Variants in NDUFA10 observed in about 807,000 individuals in gnomAD.
NDUFA10 encodes NADH:ubiquinone oxidoreductase subunit A10, also known as NADH dehydrogenase [ubiquinone] 1 alpha subcomplex subunit 10, mitochondrial.
In NDUFA10, 40 loss-of-function variants were observed where a neutral mutation model predicts 47.8. The observed-to-expected ratio is 0.84, with a 90% CI of 0.65 to 1.09. The LOEUF (loss-of-function observed/expected upper bound fraction) is 1.09. Among genes scored for constraint, NDUFA10 ranks in the 50% least tolerant of loss-of-function variants. The pLI is 0.00. For missense variants in NDUFA10, 413 were observed against 451.1 expected, an observed-to-expected ratio of 0.92 and a Z score of 0.76; for synonymous variants, 183 against 172.2, an observed-to-expected ratio of 1.06 and a Z score of -0.49.
In NDUFA10 at chr2:239,942,450, C is replaced by T. The variant is rs1337828619; in HGVS notation, c.295-47136G>A. On this transcript the variant is annotated intron_variant, in intron 4 of 5. Coordinates refer to the NDUFA10 transcript ENST00000419408. ...AATAGCAATTTCAGCCTTGCTATGT[C>T]GTTTGTTGCTGTTTGAAATGTATTG... is the stretch of plus-strand genomic sequence containing the variant. Among the ~76,000 whole-genome samples, 8 of 152,184 alleles carry T rather than the reference C, an allele frequency of 5.3e-5. No individual in the cohort carries two copies. The East Asian group carries it at 1.5e-3, about 29-fold the overall frequency.
intron 4 of NDUFA10, among the ~76,000 whole-genome samples, chr2:239,927,661 A>C (rs1694086010): frequency 6.6e-6 from 1 of 152,228 alleles, no homozygotes; most frequent in Admixed American, 6.5e-5. Flanking sequence ...CCATTTATAC[A>C]AAATTCTCAA....
intron 4 of NDUFA10, among the ~76,000 whole-genome samples, chr2:239,904,305 T>C (rs1212812596): frequency 2.6e-5 from 4 of 152,184 alleles, no homozygotes; most frequent in Admixed American, 2.6e-4. Context: ...TTATTCGTTA[T>C]ACATATTTTT....
At chr2:239,967,561 G>A (rs536845445) in intron 9 of NDUFA10, among the ~76,000 whole-genome samples, 1 of 152,298 alleles carries the variant, frequency 6.6e-6, no homozygotes, top group African/African-American at 2.4e-5. Flanking sequence ...GTAAAGCTGA[G>A]TCCACGACGT....
At chr2:239,922,493 A>T (rs771871820) in intron 4 of NDUFA10, among the ~76,000 whole-genome samples, 4 of 152,176 alleles carry the variant, frequency 2.6e-5, no homozygotes, top group Non-Finnish European at 5.9e-5. Flanking sequence ...TCTCCCACAC[A>T]TGGATGTCTT....
intron 4 of NDUFA10, among the ~76,000 whole-genome samples, chr2:239,933,185 G>A (rs942476892): frequency 4.6e-5 from 7 of 152,296 alleles, no homozygotes; most frequent in African/African-American, 1.4e-4. Flanking sequence ...GATGCTGGGA[G>A]CCCTTGCCCT....
rs936199303 is a variant in NDUFA10 at position 239,960,809 on chromosome 2, C to T, written c.*309G>A. The T allele has an allele frequency of 1.1e-5, 14 of 1,294,244 alleles. No individual in the cohort carries two copies. Among genetic ancestry groups the T allele is most frequent in the Admixed American group, 3.3e-5 (1 of 30,616 alleles). The allele number at this position is 1,294,244 out of a possible 1,614,324, so 80.2% of individuals were successfully genotyped here. ...TGTGCACAACCTGAATGACACAGAG[C>T]GGCAGCGCTGAAACCACAGGGGCTG... On this transcript the variant is annotated 3_prime_UTR_variant, in exon 10 of 10. Transcript: ENST00000252711.
At chr2:239,964,032 C>T (rs1694961273) in intron 9 of NDUFA10, among the ~76,000 whole-genome samples, 1 of 152,200 alleles carries the variant, frequency 6.6e-6, no homozygotes, top group Non-Finnish European at 1.5e-5. Flanking sequence ...CCTGGGCCAC[C>T]TTTCACACGC....
chr2:239,959,869 C>T lies in NDUFA10; in HGVS notation c.*1249G>A, dbSNP rs1230666669. 1.2e-5 allele frequency: 12 copies of T among 984,162 alleles called. No individual in the cohort carries two copies. Among genetic ancestry groups the T allele is most frequent in the Non-Finnish European group, 1.4e-5 (12 of 828,962 alleles). 61.0% of individuals were successfully genotyped at this position (984,162 alleles called of 1,614,324 possible). ...GGAAGGGGAGAGGGAAAAAGGCAGGCGGACGCAAGGAGGGAAGGAGTGTGC... is the reference window on the plus strand; with the variant it reads ...GGAAGGGGAGAGGGAAAAAGGCAGGTGGACGCAAGGAGGGAAGGAGTGTGC... On this transcript the variant is annotated 3_prime_UTR_variant, in exon 10 of 10. Coordinates refer to ENST00000252711, the MANE Select transcript of NDUFA10 (RefSeq NM_004544.4).
chr2:239,973,416 T>A (rs537894183), intron 9 of NDUFA10: 36 of 438,240 alleles, frequency 8.2e-5, no homozygotes, highest in South Asian at 6.0e-4. Context: ...TTAAAGTTAA[T>A]AAAAACATCT....
At chr2:240,000,133 T>C (rs1696644787) in intron 8 of NDUFA10, among the ~76,000 whole-genome samples, 1 of 152,254 alleles carries the variant, frequency 6.6e-6, no homozygotes, top group South Asian at 2.1e-4. Context: ...TGCTTTAGGT[T>C]ATTTACTATA....
At chr2:240,000,713 C>A (rs889554925) in intron 8 of NDUFA10, among the ~76,000 whole-genome samples, 1 of 152,104 alleles carries the variant, frequency 6.6e-6, no homozygotes, top group East Asian at 1.9e-4. Context: ...GACGGGTGGA[C>A]CATTTTCACC....
chr2:239,923,575 T>C (rs1008162375), intron 4 of NDUFA10, among the ~76,000 whole-genome samples: 2 of 151,374 alleles, frequency 1.3e-5, no homozygotes, highest in Non-Finnish European at 2.9e-5. Flanking sequence ...ACAGAAAAAA[T>C]AGAAATAAAA....
In NDUFA10 at chr2:240,025,292, G is replaced by T. The variant is rs1465429523; in HGVS notation, c.10C>A (p.Arg4=). Residue 4 remains arginine, a synonymous_variant, in exon 1 of 10, where the codon CGG becomes AGG. Coordinates refer to ENST00000252711, the MANE Select transcript of NDUFA10 (RefSeq NM_004544.4). Reference sequence around the variant, plus strand: ...GACGTCGCTGCCAGCTTCAGGAGCCGCAAGGCCATGGCTACCCGGTCAGCT... The same window carrying T: ...GACGTCGCTGCCAGCTTCAGGAGCCTCAAGGCCATGGCTACCCGGTCAGCT... MAL[R]LLKLAATSAS... 2 of 1,504,598 alleles carry T rather than the reference G, an allele frequency of 1.3e-6. No homozygotes were observed. Among genetic ancestry groups the T allele is most frequent in the Non-Finnish European group, 1.8e-6 (2 of 1,130,280 alleles). 93.2% of individuals were successfully genotyped at this position (1,504,598 alleles called of 1,614,324 possible). A position where few individuals can be genotyped will look rare whatever the true frequency, so the allele number is the denominator to read the frequency against.
Position 239,958,883 on chromosome 2 carries a change from G to A in NDUFA10, c.*2235C>T. ...ATTATTTCCTGATCTCCAAAGCACT[G>A]AGAAGTCCAACATGGAATCCTGGAA... On this transcript the variant is annotated 3_prime_UTR_variant, in exon 10 of 10. Coordinates refer to ENST00000252711, the MANE Select transcript of NDUFA10 (RefSeq NM_004544.4). 1 of 939,272 alleles carries A rather than the reference G, an allele frequency of 1.1e-6. No individual in the cohort carries two copies. The highest frequency in any genetic ancestry group is 1.3e-6 in the Non-Finnish European group (1 of 787,950). 58.2% of individuals were successfully genotyped at this position (939,272 alleles called of 1,614,324 possible).
At chr2:239,908,634 G>A (rs1693697569) in intron 4 of NDUFA10, among the ~76,000 whole-genome samples, 1 of 152,248 alleles carries the variant, frequency 6.6e-6, no homozygotes, top group South Asian at 2.1e-4. Flanking sequence ...ATGGCAGAAT[G>A]TCCACCAATG....
At chr2:240,021,082 C>T in intron 3 of NDUFA10, 115 bp downstream of exon 3, 3 of 825,558 alleles carry the variant, frequency 3.6e-6, no homozygotes, top group Middle Eastern at 3.3e-4. Context: ...AAAGACAGAA[C>T]TCACCTCATC....
intron 4 of NDUFA10, among the ~76,000 whole-genome samples, chr2:240,015,367 T>C (rs193066800): frequency 6.6e-6 from 1 of 152,372 alleles, no homozygotes; most frequent in Admixed American, 6.5e-5. Flanking sequence ...GTATATAGTA[T>C]ACATGCTACT....
At chr2:239,988,805 G>A (rs116658095) in intron 9 of NDUFA10, among the ~76,000 whole-genome samples, 2,281 of 152,262 alleles carry the variant, frequency 0.015, 47 homozygotes, top group African/African-American at 0.052. Context: ...CTCAAAGAGG[G>A]AGAAACAGCA....
At chr2:239,944,789 G>A (rs544387588) in intron 4 of NDUFA10, among the ~76,000 whole-genome samples, 5 of 152,160 alleles carry the variant, frequency 3.3e-5, no homozygotes, top group African/African-American at 9.6e-5. Flanking sequence ...CTCTGTCCAC[G>A]CCCAGAGCCA....
Sources: allele counts gnomAD v4.1 joint callset (sites outside exome capture counted in the v4.1 genomes callset), GRCh38; gene constraint gnomAD v4.1.1; transcripts MANE v1.5; gene names NCBI Gene and HGNC (gene_info 2026-07-23, HGNC 2026-07-21).